KLHL4: variants seen among roughly 807,000 people sequenced by gnomAD.
The protein encoded by KLHL4 is kelch-like protein 4.
A neutral mutation model predicts 45.8 loss-of-function variants in KLHL4; 17 were observed. That is an observed-to-expected ratio of 0.37 (90% CI 0.25 to 0.56). The LOEUF (loss-of-function observed/expected upper bound fraction) is 0.56, where lower values mean the gene tolerates loss of function less well. KLHL4 is among the 20% of genes least tolerant of loss of function. The pLI is 0.79. For synonymous variants in KLHL4, 224 were observed against 189.9 expected, an observed-to-expected ratio of 1.18 and a Z score of -1.47; for missense variants, 544 against 544.9, an observed-to-expected ratio of 1.00 and a Z score of 0.02.
intron 1 of KLHL4, among the ~76,000 whole-genome samples, chrX:87,580,530 T>G (rs113844947): frequency 2.7e-5 from 3 of 110,935 alleles, no homozygotes; most frequent in African/African-American, 9.8e-5. Flanking sequence ...GAAAATGATA[T>G]GCTATACAGA....
intron 1 of KLHL4, among the ~76,000 whole-genome samples, chrX:87,526,871 G>A (rs143306892): frequency 0.016 from 1,759 of 111,384 alleles, 31 homozygotes; most frequent in African/African-American, 0.054. Context: ...AAGTCAGAGC[G>A]TATTAATCCT....
intron 1 of KLHL4, among the ~76,000 whole-genome samples, chrX:87,600,559 A>G (rs1921988303): frequency 9.0e-6 from 1 of 110,601 alleles, no homozygotes; most frequent in Non-Finnish European, 1.9e-5. Flanking sequence ...TGCTTTTGCC[A>G]TGTCAAGTGC....
chrX:87,665,188 G>A (rs982081484), intron 10 of KLHL4, among the ~76,000 whole-genome samples: 1 of 110,980 alleles, frequency 9.0e-6, no homozygotes. Context: ...GACCATTCTC[G>A]TGACTTCATG....
rs1416436048 is a variant in KLHL4 at position 87,551,397 on chromosome X, T to A, written c.422+33082T>A. ...ATCCCATGCTCACAGATGGGTAGAA[T>A]AAATATTGCAAAAATGACCATACTG... On this transcript the variant is annotated intron_variant, in intron 1 of 10. Coordinates refer to ENST00000373119, the MANE Select transcript of KLHL4 (RefSeq NM_019117.5). Among the ~76,000 whole-genome samples, 4 of 111,146 alleles carry A rather than the reference T, an allele frequency of 3.6e-5. No homozygotes were observed. The Admixed American group carries it at 3.8e-4, about 11-fold the overall frequency.
intron 1 of KLHL4, among the ~76,000 whole-genome samples, chrX:87,572,240 T>C: frequency 9.0e-6 from 1 of 111,021 alleles, no homozygotes; most frequent in Non-Finnish European, 1.9e-5. Flanking sequence ...GTATAAAATA[T>C]TACTTAAAGT....
intron 6 of KLHL4, among the ~76,000 whole-genome samples, chrX:87,629,380 G>A (rs1446127209): frequency 1.8e-5 from 2 of 111,130 alleles, no homozygotes; most frequent in South Asian, 3.8e-4. Flanking sequence ...TGGTGGGGGT[G>A]GACAAAGGGG....
intron 8 of KLHL4, 41 bp downstream of exon 8, chrX:87,633,952 A>C: frequency 9.0e-7 from 1 of 1,105,523 alleles, no homozygotes; most frequent in South Asian, 2.3e-5. Context: ...CTCCCAGGTC[A>C]TATAGTATAG....
At chrX:87,596,601 A>T (rs1921846500) in intron 1 of KLHL4, among the ~76,000 whole-genome samples, 2 of 112,225 alleles carry the variant, frequency 1.8e-5, no homozygotes, top group Admixed American at 1.9e-4. Flanking sequence ...AAGTTTAGGA[A>T]TTAAATTGTA....
At chrX:87,552,719 G>A (rs1478297111) in intron 1 of KLHL4, among the ~76,000 whole-genome samples, 1 of 106,434 alleles carries the variant, frequency 9.4e-6, no homozygotes, top group Non-Finnish European at 1.9e-5. Context: ...ATATAACATG[G>A]CATTTTCTCA....
intron 4 of KLHL4, among the ~76,000 whole-genome samples, chrX:87,620,125 G>A (rs1453195618): frequency 9.0e-6 from 1 of 111,382 alleles, no homozygotes; most frequent in Non-Finnish European, 1.9e-5. Flanking sequence ...AAATCATACA[G>A]ATAGTTGTCT....
chrX:87,540,068 G>A (rs1349350288), intron 1 of KLHL4, among the ~76,000 whole-genome samples: 1 of 110,894 alleles, frequency 9.0e-6, no homozygotes, highest in Non-Finnish European at 1.9e-5. Flanking sequence ...AAAATAAAAA[G>A]GACAGTAAAA....
chrX:87,530,289 CT>C (rs1931226902), intron 1 of KLHL4, among the ~76,000 whole-genome samples: 1 of 106,711 alleles, frequency 9.4e-6, no homozygotes, highest in Non-Finnish European at 1.9e-5. Flanking sequence ...TTTTATTATA[CT>C]TTAAGTTTTA....
At position 87,635,669 on chromosome X, in the gene KLHL4, C is replaced by T. The variant is rs148231867; in HGVS notation, c.1819C>T (p.Arg607Cys). ...TTTGTGTGCTCCAATGTCCAAAAGA[C>T]GTGGAGGTGTGGGAGTTGCCACATA... Reference protein sequence around the residue: ...WSLCAPMSKRRGGVGVATYNG... With the variant: ...WSLCAPMSKRCGGVGVATYNG... The change falls in exon 9 of 11, where the codon CGT becomes TGT. Residue 607 changes from arginine (R) to cysteine (C), a missense_variant. Transcript: ENST00000373119. 14 of 1,207,413 alleles carry T rather than the reference C, an allele frequency of 1.2e-5. No individual in the cohort carries two copies. Among genetic ancestry groups the T allele is most frequent in the South Asian group, 7.0e-5 (4 of 56,752 alleles).
At chrX:87,648,267 A>T (rs556572964) in intron 9 of KLHL4, among the ~76,000 whole-genome samples, 1 of 111,815 alleles carries the variant, frequency 8.9e-6, no homozygotes, top group African/African-American at 3.2e-5. Context: ...TTGGAAACAG[A>T]CATAATTGTG....
intron 10 of KLHL4, among the ~76,000 whole-genome samples, chrX:87,665,954 TATC>T (rs1924356486): frequency 9.0e-6 from 1 of 111,614 alleles, no homozygotes; most frequent in African/African-American, 3.2e-5. Context: ...GGAAAAAAAA[TATC>T]ATGCAAGGTG....
At chrX:87,531,998 G>C (rs1475267350) in intron 1 of KLHL4, among the ~76,000 whole-genome samples, 1 of 107,299 alleles carries the variant, frequency 9.3e-6, no homozygotes, top group Admixed American at 1.0e-4. Flanking sequence ...AGTTCATATG[G>C]AACCAAAAAA....
chrX:87,569,025 T>A (rs1209934566), intron 1 of KLHL4, among the ~76,000 whole-genome samples: 1 of 110,922 alleles, frequency 9.0e-6, no homozygotes, highest in Admixed American at 9.6e-5. Flanking sequence ...ATCAAGGGAA[T>A]GAAAAAGATA....
chrX:87,629,357 T>G (rs939473543), intron 6 of KLHL4, among the ~76,000 whole-genome samples: 9 of 111,556 alleles, frequency 8.1e-5, no homozygotes, highest in African/African-American at 2.9e-4. Context: ...TACATTTTGA[T>G]TAGTTGAAGG....
At chrX:87,595,906 A>G in intron 1 of KLHL4, among the ~76,000 whole-genome samples, 1 of 111,616 alleles carries the variant, frequency 9.0e-6, no homozygotes, top group Non-Finnish European at 1.9e-5. Context: ...TTCATGTTCA[A>G]ATTTAATTCT....
Sources: allele counts gnomAD v4.1 joint callset (sites outside exome capture counted in the v4.1 genomes callset), GRCh38; gene constraint gnomAD v4.1.1; transcripts MANE v1.5; gene names NCBI Gene and HGNC (gene_info 2026-07-23, HGNC 2026-07-21).